PROSER1: variants seen among roughly 807,000 people sequenced by gnomAD.
PROSER1 encodes the protein proline and serine rich 1.
A neutral mutation model predicts 71.8 loss-of-function variants in PROSER1; 36 were observed. The observed-to-expected ratio is 0.50, with a 90% CI of 0.38 to 0.66. PROSER1 has a LOEUF of 0.66. PROSER1 is among the 30% of genes least tolerant of loss of function. PROSER1 has a pLI of 0.00. For synonymous variants in PROSER1, 490 were observed against 452.4 expected, an observed-to-expected ratio of 1.08 and a Z score of -1.06; for missense variants, 1,107 against 1,135.0, an observed-to-expected ratio of 0.98 and a Z score of 0.35.
At chr13:39,031,939 C>G (rs532896920) in intron 2 of PROSER1, among the ~76,000 whole-genome samples, 2 of 152,138 alleles carry the variant, frequency 1.3e-5, no homozygotes, top group Non-Finnish European at 2.9e-5. Context: ...TCTACCACCA[C>G]AAAAAGTTCT....
At chr13:39,029,247 T>TTAA (rs1870705076) in intron 4 of PROSER1, 34 bp downstream of exon 4, 1 of 630,130 alleles carries the variant, frequency 1.6e-6, no homozygotes, top group Non-Finnish European at 2.3e-6. Flanking sequence ...TTTTCCCAAG[T>TTAA]AAAAAAAAAA....
At position 39,013,495 on chromosome 13, in the gene PROSER1, T is replaced by TG; in HGVS notation, c.1756dup (p.His586ProfsTer25). The TG allele has an allele frequency of 6.2e-7, 1 of 1,613,612 alleles. No individual in the cohort carries two copies. Among genetic ancestry groups the TG allele is most frequent in the Non-Finnish European group, 8.5e-7 (1 of 1,179,916 alleles). ...AATATGCAGATCTGAGGTACCTGGG[T>TG]GGGGGCCACGCAAAAGGGAGGCTGA... On this transcript the variant is annotated frameshift_variant, in exon 11 of 13. Coordinates refer to ENST00000352251, the MANE Select transcript of PROSER1 (RefSeq NM_025138.5). LOFTEE classifies it high-confidence loss of function.
At position 39,037,906 on chromosome 13, in the gene PROSER1, A is replaced by G. The variant is rs373717255; in HGVS notation, c.-664T>C. 2,286 of 152,616 alleles carry G rather than the reference A, an allele frequency of 0.015. 56 individuals are homozygous for G. Among genetic ancestry groups the G allele is most frequent in the African/African-American group, 0.053 (2,189 of 41,558 alleles). 9.5% of individuals were successfully genotyped at this position (152,616 alleles called of 1,614,324 possible). ...AGCGGGCCGGCGGCTGGGGAGCACC[A>G]GGAGCCGGGCGAAGAGGGGCACGGC... is the stretch of plus-strand genomic sequence containing the variant. On this transcript the variant is annotated 5_prime_UTR_variant, in exon 1 of 13. Transcript: ENST00000352251.
rs757677290 is a variant in PROSER1, at chr13:39,014,322, A to T, written c.930T>A (p.Asn310Lys). Residue 310 changes from asparagine to lysine, a missense_variant, in exon 11 of 13, where the codon AAT becomes AAA. Coordinates refer to ENST00000352251, the MANE Select transcript of PROSER1 (RefSeq NM_025138.5). ...GCCCTGGGAACACAGGAAGGACAGT[A>T]TTCAGCAGGTTCATTCCAGAAACGG... ...AATVSGMNLLNTVLPVFPGQV... is the reference protein window; with the variant it reads ...AATVSGMNLLKTVLPVFPGQV... 6.2e-7 allele frequency: 1 copy of T among 1,614,170 alleles called. No individual in the cohort carries two copies.
chr13:39,020,216 A>G (rs1462850097), intron 9 of PROSER1, among the ~76,000 whole-genome samples: 1 of 152,164 alleles, frequency 6.6e-6, no homozygotes, highest in Non-Finnish European at 1.5e-5. Flanking sequence ...AGAAAACTAC[A>G]GTATCTTCTT....
At position 39,029,268 on chromosome 13, in the gene PROSER1, A is replaced by AAAAAT; in HGVS notation, c.275+12_275+13insATTTT. On this transcript the variant is annotated intron_variant, in intron 4 of 12. Coordinates refer to ENST00000352251, the MANE Select transcript of PROSER1 (RefSeq NM_025138.5). ...CAAGTAAAAAAAAAAAAAAAAAAAAAAGAAATACTTACGAGGCTAACAGTT... is the reference window on the plus strand; with the variant it reads ...CAAGTAAAAAAAAAAAAAAAAAAAAAAAAATAGAAATACTTACGAGGCTAACAGTT... The AAAAAT allele has an allele frequency of 7.3e-7, 1 of 1,375,928 alleles. No individual in the cohort carries two copies. Among genetic ancestry groups the AAAAAT allele is most frequent in the Non-Finnish European group, 9.8e-7 (1 of 1,017,864 alleles). 85.2% of individuals were successfully genotyped at this position (1,375,928 alleles called of 1,614,324 possible).
intron 2 of PROSER1, among the ~76,000 whole-genome samples, chr13:39,033,454 T>C (rs188342089): frequency 7.2e-5 from 11 of 152,360 alleles, no homozygotes; most frequent in Admixed American, 2.0e-4. Flanking sequence ...ACTCAATATA[T>C]ACATTTATTG....
intron 7 of PROSER1, chr13:39,023,693 A>G (rs1870409301): frequency 6.6e-6 from 1 of 152,566 alleles, no homozygotes; most frequent in South Asian, 2.1e-4. Context: ...TTTGAAATCC[A>G]TAAATCCACC....
At chr13:39,028,189 C>T (rs1870635486) in intron 5 of PROSER1, 38 bp downstream of exon 5, 2 of 1,127,092 alleles carry the variant, frequency 1.8e-6, no homozygotes, top group Non-Finnish European at 2.7e-6. Flanking sequence ...TTCGGAAAAA[C>T]CAGCGTACCA....
rs768015445 is a variant in PROSER1 at position 39,013,874 on chromosome 13, C to T, written c.1378G>A (p.Gly460Ser). ...IAGGSTPSVA[G>S]PLGVNSPLLS... ...AGAGGACTGTTCACACCAAGTGGACCGGCAACGCTGGGAGTAGAGCCACCA... is the reference window on the plus strand; with the variant it reads ...AGAGGACTGTTCACACCAAGTGGACTGGCAACGCTGGGAGTAGAGCCACCA... Residue 460 changes from glycine (G) to serine (S), a missense_variant, in exon 11 of 13, where the codon GGT becomes AGT. Coordinates refer to ENST00000352251, the MANE Select transcript of PROSER1 (RefSeq NM_025138.5). 1.2e-5 allele frequency: 20 copies of T among 1,613,998 alleles called. No individual in the cohort carries two copies. Among genetic ancestry groups the T allele is most frequent in the Admixed American group, 5.0e-5 (3 of 59,998 alleles).
chr13:39,012,075 C>A lies in PROSER1; in HGVS notation c.2712+8G>T. On this transcript the variant is annotated splice_region_variant and intron_variant, in intron 12 of 12. Transcript: ENST00000352251. ...ACCATGTAATTTATGCCAGCCATTG[C>A]TGCTTACCTGCTGTAACAATGCTGA... 4.3e-6 allele frequency: 7 copies of A among 1,611,422 alleles called. No individual in the cohort carries two copies. The highest frequency in any genetic ancestry group is 5.9e-6 in the Non-Finnish European group (7 of 1,178,692).
At chr13:39,036,431 G>A (rs1871107229) in intron 1 of PROSER1, among the ~76,000 whole-genome samples, 1 of 152,164 alleles carries the variant, frequency 6.6e-6, no homozygotes, top group African/African-American at 2.4e-5. Context: ...GCTGACGAAA[G>A]AATAATTGCC....
rs1869592968 is a variant in PROSER1, at chr13:39,010,531, A to G, written c.*834T>C. The G allele has an allele frequency of 6.5e-6, 1 of 152,700 alleles. No homozygotes were observed. 9.5% of individuals were successfully genotyped at this position (152,700 alleles called of 1,614,324 possible). A position where few individuals can be genotyped will look rare whatever the true frequency, so the allele number is the denominator to read the frequency against. Reference sequence around the variant, plus strand: ...TATTTCATATAAGCATTTGACTTAAAGTACAAATAGAAATACTACATCCCA... The same window carrying G: ...TATTTCATATAAGCATTTGACTTAAGGTACAAATAGAAATACTACATCCCA... On this transcript the variant is annotated 3_prime_UTR_variant, in exon 13 of 13. Coordinates refer to ENST00000352251, the MANE Select transcript of PROSER1 (RefSeq NM_025138.5).
At chr13:39,018,443 T>C (rs1041555390) in intron 9 of PROSER1, among the ~76,000 whole-genome samples, 50 of 140,168 alleles carry the variant, frequency 3.6e-4, no homozygotes, top group African/African-American at 1.2e-3. Flanking sequence ...CAATGGAGAT[T>C]TAATTAAAGA....
chr13:39,012,487 T>A, intron 11 of PROSER1: 1 of 642,750 alleles, frequency 1.6e-6, no homozygotes, highest in Non-Finnish European at 2.7e-6. Flanking sequence ...AACTATCAAA[T>A]ACAAATCCAA....
chr13:39,025,660 A>G (rs1025325163), intron 6 of PROSER1, among the ~76,000 whole-genome samples: 6 of 152,174 alleles, frequency 3.9e-5, no homozygotes, highest in Admixed American at 6.5e-5. Context: ...TTGGGCTCCA[A>G]TCAAATTTTC....
chr13:39,021,979 C>T (rs529267576), intron 9 of PROSER1, among the ~76,000 whole-genome samples: 178 of 152,174 alleles, frequency 1.2e-3, no homozygotes, highest in Non-Finnish European at 2.1e-3. Flanking sequence ...AAATGGCCTT[C>T]TCTTTCCTCA....
chr13:39,014,762 A>G (rs1869929134), intron 10 of PROSER1, among the ~76,000 whole-genome samples: 1 of 152,150 alleles, frequency 6.6e-6, no homozygotes, highest in Non-Finnish European at 1.5e-5. Context: ...TCCGCTTTTT[A>G]AAAATTAAAG....
At chr13:39,024,750 A>C (rs1566026105) in intron 6 of PROSER1, among the ~76,000 whole-genome samples, 194 bp from the exon 7 acceptor site, 2 of 152,052 alleles carry the variant, frequency 1.3e-5, no homozygotes, top group Admixed American at 1.3e-4. Flanking sequence ...ATGCTATGGA[A>C]CTCTCATATC....
Sources: gnomAD v4.1 joint callset for allele counts (sites outside exome capture counted in the v4.1 genomes callset) on GRCh38, gnomAD v4.1.1 for gene constraint, MANE v1.5 for transcripts, NCBI Gene and HGNC (gene_info 2026-07-23, HGNC 2026-07-21) for gene names.